LEF1: variants seen among roughly 807,000 people sequenced by gnomAD.
LEF1 encodes the protein lymphoid enhancer-binding factor 1.
Under a neutral mutation model 51.2 loss-of-function variants are expected in LEF1, and 14 were observed. The observed-to-expected ratio is 0.27, with a 90% CI of 0.18 to 0.43. The LOEUF is 0.43. Ranked by LOEUF, LEF1 falls within the 20% of genes least tolerant of loss-of-function variation. The probability of loss-of-function intolerance (pLI) is 1.00; values close to 1 mark genes in which losing one functional copy is unlikely to be tolerated. For synonymous variants in LEF1, 185 were observed against 183.2 expected (o/e 1.01, Z -0.08); for missense variants, 386 against 512.0 (o/e 0.75, Z 2.37).
intron 3 of LEF1, among the ~76,000 whole-genome samples, chr4:108,132,984 C>G (rs371995485): frequency 1.8e-4 from 27 of 150,710 alleles, no homozygotes; most frequent in Middle Eastern, 3.4e-3. Context: ...TCTTTTTTTT[C>G]TTTTTTTGAA....
chr4:108,131,299 C>T (rs915509456), intron 3 of LEF1, among the ~76,000 whole-genome samples: 4 of 151,172 alleles, frequency 2.6e-5, no homozygotes, highest in Non-Finnish European at 5.9e-5. Flanking sequence ...ATTAGCTAGG[C>T]ATTTAACTTG....
At chr4:108,135,853 C>T (rs1001226379) in intron 3 of LEF1, among the ~76,000 whole-genome samples, 2 of 152,154 alleles carry the variant, frequency 1.3e-5, no homozygotes, top group African/African-American at 4.8e-5. Flanking sequence ...TCCCACGCAC[C>T]CCATGGGCTG....
At chr4:108,151,051 C>T (rs1209159979) in intron 3 of LEF1, among the ~76,000 whole-genome samples, 2 of 152,120 alleles carry the variant, frequency 1.3e-5, no homozygotes, top group Non-Finnish European at 2.9e-5. Context: ...GGTTTGGTTC[C>T]AGATCTTGGT....
At chr4:108,144,904 T>C (rs1743904873) in intron 3 of LEF1, among the ~76,000 whole-genome samples, 1 of 132,770 alleles carries the variant, frequency 7.5e-6, no homozygotes, top group African/African-American at 2.8e-5. Flanking sequence ...AGTATCCTCA[T>C]GAATACTGCA....
At chr4:108,102,349 C>T (rs1039755219) in intron 3 of LEF1, among the ~76,000 whole-genome samples, 1 of 152,174 alleles carries the variant, frequency 6.6e-6, no homozygotes, top group African/African-American at 2.4e-5. Context: ...CTGTGCTAAT[C>T]ATTACAACCT....
chr4:108,135,137 C>T (rs1743171885), intron 3 of LEF1, among the ~76,000 whole-genome samples: 1 of 152,172 alleles, frequency 6.6e-6, no homozygotes, highest in African/African-American at 2.4e-5. Context: ...TTTTAGCTGC[C>T]TAAAATCTAC....
At position 108,119,666 on chromosome 4, in the gene LEF1, A is replaced by T. The variant is rs568352745; in HGVS notation, c.415-30409T>A. Among the ~76,000 whole-genome samples the T allele has an allele frequency of 1.5e-3, 225 of 152,286 alleles. 1 individual carries two copies. Among genetic ancestry groups the T allele is most frequent in the African/African-American group, 5.0e-3 (207 of 41,572 alleles). The stretch of plus-strand genomic sequence containing the variant: ...GATCTGCCCCATCACGATAGCCTTC[A>T]TTACAAAAAGAAACACATATGTACC... On this transcript the variant is annotated intron_variant, in intron 3 of 11. Coordinates refer to ENST00000265165, the MANE Select transcript of LEF1 (RefSeq NM_016269.5).
chr4:108,166,367 T>G (rs1258867972), intron 1 of LEF1: 1 of 1,491,226 alleles, frequency 6.7e-7, no homozygotes, highest in Non-Finnish European at 8.9e-7. Context: ...CACACTTTCT[T>G]TTTGGGGGTA....
intron 11 of LEF1, among the ~76,000 whole-genome samples, chr4:108,057,411 A>G (rs1046308700): frequency 6.6e-6 from 1 of 152,188 alleles, no homozygotes; most frequent in African/African-American, 2.4e-5. Flanking sequence ...AACAAACATT[A>G]GGCAAAAGTG....
At chr4:108,051,502 G>A (rs1736986731) in intron 11 of LEF1, among the ~76,000 whole-genome samples, 1 of 152,200 alleles carries the variant, frequency 6.6e-6, no homozygotes, top group South Asian at 2.1e-4. Flanking sequence ...TCACTGGGGG[G>A]CTGCGGCTGA....
chr4:108,096,170 A>T (rs180709098), intron 3 of LEF1, among the ~76,000 whole-genome samples: 2 of 152,278 alleles, frequency 1.3e-5, no homozygotes, highest in Admixed American at 1.3e-4. Context: ...GTTGATTCAG[A>T]GGTCAAATAG....
At chr4:108,062,085 G>C (rs746245217) in intron 11 of LEF1, among the ~76,000 whole-genome samples, 4 of 152,052 alleles carry the variant, frequency 2.6e-5, no homozygotes, top group Admixed American at 6.5e-5. Context: ...ACCACCACAG[G>C]GGGTAGGTAT....
chr4:108,102,081 A>G (rs528367130), intron 3 of LEF1, among the ~76,000 whole-genome samples: 225 of 151,114 alleles, frequency 1.5e-3, no homozygotes, highest in Non-Finnish European at 2.3e-3. Context: ...AAAAAAAAAG[A>G]AAGGACGGAC....
chr4:108,116,045 A>C (rs1741819394), intron 3 of LEF1, among the ~76,000 whole-genome samples: 1 of 152,182 alleles, frequency 6.6e-6, no homozygotes, highest in Admixed American at 6.5e-5. Flanking sequence ...TTCAATTCCA[A>C]GTTAAGCTAT....
intron 3 of LEF1, among the ~76,000 whole-genome samples, chr4:108,095,278 G>A (rs2110280988): frequency 1.3e-5 from 2 of 152,260 alleles, no homozygotes; most frequent in South Asian, 4.1e-4. Context: ...ATTAACATGG[G>A]TTGCACAGTT....
chr4:108,049,872 A>G (rs1736866608), intron 11 of LEF1, among the ~76,000 whole-genome samples: 1 of 152,250 alleles, frequency 6.6e-6, no homozygotes, highest in South Asian at 2.1e-4. Flanking sequence ...AGTACTTTCC[A>G]TGGAAGGATG....
intron 8 of LEF1, among the ~76,000 whole-genome samples, chr4:108,072,622 TA>T (rs960769552): frequency 1.4e-3 from 215 of 150,314 alleles, no homozygotes; most frequent in African/African-American, 4.7e-3. Context: ...TGCTTTTGTT[TA>T]AAAAAAAAAT....
At chr4:108,157,179 T>TATATATACACACAC (rs780217431) in intron 3 of LEF1, among the ~76,000 whole-genome samples, 2 of 116,740 alleles carry the variant, frequency 1.7e-5, no homozygotes, top group African/African-American at 6.5e-5. Flanking sequence ...TATATATATA[T>TATATATACACACAC]ACACACACAC....
intron 3 of LEF1, among the ~76,000 whole-genome samples, chr4:108,146,521 C>T (rs1279304463): frequency 6.6e-6 from 1 of 152,166 alleles, no homozygotes; most frequent in East Asian, 1.9e-4. Flanking sequence ...CTTGCTTCAC[C>T]TCTAGAGCAG....
Sources: gnomAD v4.1 joint callset for allele counts (sites outside exome capture counted in the v4.1 genomes callset) on GRCh38, gnomAD v4.1.1 for gene constraint, MANE v1.5 for transcripts, NCBI Gene and HGNC (gene_info 2026-07-23, HGNC 2026-07-21) for gene names.